Variants in CLVS1 observed in about 807,000 individuals in gnomAD.
CLVS1 encodes the protein clavesin 1, also known as clavesin-1.
Under a neutral mutation model 33.1 loss-of-function variants are expected in CLVS1, and 10 were observed. The ratio of observed to expected loss-of-function variants is 0.30; its 90% CI spans 0.19 to 0.51. The LOEUF (loss-of-function observed/expected upper bound fraction) is 0.51. Among genes scored for constraint, CLVS1 ranks in the 20% least tolerant of loss-of-function variants. The pLI, the probability that CLVS1 is intolerant of heterozygous loss-of-function variation, is 0.97. For synonymous variants in CLVS1, 163 were observed against 166.1 expected, an observed-to-expected ratio of 0.98 and a Z score of 0.14; for missense variants, 343 against 433.4, an observed-to-expected ratio of 0.79 and a Z score of 1.85.
chr8:61,039,125 TG>T, the CLVS1 span, among the ~76,000 whole-genome samples: 1 of 152,230 alleles, frequency 6.6e-6, no homozygotes, highest in Admixed American at 6.5e-5. Context: ...TTGTTGTTAG[TG>T]TATTTTTATA....
intron 5 of CLVS1, among the ~76,000 whole-genome samples, chr8:61,476,782 C>G (rs1817952569): frequency 6.6e-6 from 1 of 152,200 alleles, no homozygotes; most frequent in African/African-American, 2.4e-5. Context: ...AATTGAATAC[C>G]CTTTATTTTC....
intron 3 of CLVS1, among the ~76,000 whole-genome samples, chr8:61,439,974 G>A (rs560437408): frequency 2.6e-5 from 4 of 152,250 alleles, no homozygotes; most frequent in South Asian, 4.2e-4. Flanking sequence ...CCGTCTGCAG[G>A]ACATTCAGCC....
chr8:61,172,858 G>A (rs1807033595), intron 2 of CLVS1, among the ~76,000 whole-genome samples: 1 of 152,080 alleles, frequency 6.6e-6, no homozygotes, highest in African/African-American at 2.4e-5. Context: ...TTCAGGTGAT[G>A]GAAAAATAAA....
intron 3 of CLVS1, among the ~76,000 whole-genome samples, chr8:61,416,281 G>T (rs572391723): frequency 3.1e-4 from 19 of 62,230 alleles, no homozygotes; most frequent in Non-Finnish European, 6.6e-4. Flanking sequence ...AGTTGAACAA[G>T]ATAGCTAGCT....
At chr8:61,191,974 G>A (rs1001092538) in intron 2 of CLVS1, among the ~76,000 whole-genome samples, 1 of 152,132 alleles carries the variant, frequency 6.6e-6, no homozygotes, top group African/African-American at 2.4e-5. Context: ...CAGATTTAAT[G>A]CCATCCCCAT....
chr8:61,016,331 G>A, the CLVS1 span, among the ~76,000 whole-genome samples: 5 of 152,226 alleles, frequency 3.3e-5, no homozygotes, highest in Non-Finnish European at 5.9e-5. Context: ...GTGATGCTGT[G>A]GAGGCCCCAC....
intron 2 of CLVS1, among the ~76,000 whole-genome samples, chr8:61,341,593 T>C (rs1812030998): frequency 6.6e-6 from 1 of 152,206 alleles, no homozygotes; most frequent in South Asian, 2.1e-4. Flanking sequence ...CCTGTCTTCC[T>C]GGGAATGCAC....
chr8:61,117,581 AG>A (rs1374968794), intron 1 of CLVS1, among the ~76,000 whole-genome samples: 1 of 149,520 alleles, frequency 6.7e-6, no homozygotes, highest in East Asian at 2.0e-4. Flanking sequence ...TTTAGCATGA[AG>A]GGTTGTTGAA....
intron 1 of CLVS1, among the ~76,000 whole-genome samples, chr8:61,085,433 C>T (rs1483602713): frequency 6.6e-6 from 1 of 152,040 alleles, no homozygotes; most frequent in Non-Finnish European, 1.5e-5. Flanking sequence ...ATTGCATCCC[C>T]GACAACCTCT....
chr8:61,500,293 T>G lies in CLVS1; in HGVS notation c.*751T>G, dbSNP rs1354958873. The G allele has an allele frequency of 6.6e-6, 1 of 152,230 alleles. No homozygotes were observed. The highest frequency in any genetic ancestry group is 1.5e-5 in the Non-Finnish European group (1 of 68,032). 9.4% of individuals were successfully genotyped at this position (152,230 alleles called of 1,614,324 possible). On this transcript the variant is annotated 3_prime_UTR_variant, in exon 6 of 6. Transcript: ENST00000325897. Reference sequence around the variant, plus strand: ...AGCTCAAAAGCCCATTAGTGCAGCATGTGTCTGCAGAGGAGATGTCTCATG... The same window carrying G: ...AGCTCAAAAGCCCATTAGTGCAGCAGGTGTCTGCAGAGGAGATGTCTCATG...
chr8:61,113,314 A>G (rs1157438485), intron 1 of CLVS1, among the ~76,000 whole-genome samples: 2 of 152,212 alleles, frequency 1.3e-5, no homozygotes, highest in African/African-American at 4.8e-5. Context: ...GACCTGCTAT[A>G]AACCCACAGG....
intron 2 of CLVS1, among the ~76,000 whole-genome samples, chr8:61,216,395 C>A (rs190265364): frequency 1.5e-4 from 23 of 152,292 alleles, no homozygotes; most frequent in African/African-American, 5.3e-4. Flanking sequence ...CTCCATCCAC[C>A]CTCTAGTCTG....
At chr8:61,288,932 A>G (rs1050357722) in intron 1 of CLVS1, among the ~76,000 whole-genome samples, 23 of 152,274 alleles carry the variant, frequency 1.5e-4, no homozygotes, top group African/African-American at 5.5e-4. Context: ...GAATAAAAAT[A>G]AAAATGATGG....
chr8:61,218,627 A>G (rs1808141223), intron 2 of CLVS1, among the ~76,000 whole-genome samples: 1 of 120,392 alleles, frequency 8.3e-6, no homozygotes, highest in African/African-American at 3.3e-5. Context: ...TATAATTATT[A>G]TATGTCAATA....
At chr8:61,437,734 C>T (rs534522012) in intron 3 of CLVS1, among the ~76,000 whole-genome samples, 1 of 152,280 alleles carries the variant, frequency 6.6e-6, no homozygotes, top group African/African-American at 2.4e-5. Context: ...AAAGTCAAGT[C>T]AAACACATGC....
At chr8:61,014,258 C>T in the CLVS1 span, among the ~76,000 whole-genome samples, 1 of 152,092 alleles carries the variant, frequency 6.6e-6, no homozygotes, top group African/African-American at 2.4e-5. Context: ...GTGTGCCACG[C>T]TGATCAACTT....
chr8:61,415,595 G>A (rs146049428), intron 3 of CLVS1, among the ~76,000 whole-genome samples: 2 of 152,178 alleles, frequency 1.3e-5, no homozygotes, highest in African/African-American at 2.4e-5. Flanking sequence ...CTGGGCAACT[G>A]CTCATGGGAT....
the CLVS1 span, among the ~76,000 whole-genome samples, chr8:61,020,880 C>G: frequency 6.6e-6 from 1 of 152,206 alleles, no homozygotes; most frequent in Non-Finnish European, 1.5e-5. Flanking sequence ...CAGAGCCACA[C>G]TCTAGGATAT....
At chr8:61,256,238 G>C (rs1331425881) in intron 2 of CLVS1, among the ~76,000 whole-genome samples, 9 of 152,238 alleles carry the variant, frequency 5.9e-5, no homozygotes, top group Admixed American at 4.6e-4. Flanking sequence ...ATTTTAGCCA[G>C]GCGCGGTGGC....
Sources: gnomAD v4.1 joint callset for allele counts (sites outside exome capture counted in the v4.1 genomes callset) on GRCh38, gnomAD v4.1.1 for gene constraint, MANE v1.5 for transcripts, NCBI Gene and HGNC (gene_info 2026-07-23, HGNC 2026-07-21) for gene names.